The following MOBP variants were observed in gnomAD, a reference collection of about 807,000 sequenced individuals.
The protein encoded by MOBP is myelin associated oligodendrocyte basic protein.
In MOBP, 5 loss-of-function variants were observed where a neutral mutation model predicts 15.0. That is an observed-to-expected ratio of 0.33 (90% CI 0.17 to 0.70). The LOEUF (loss-of-function observed/expected upper bound fraction) is 0.70. MOBP is among the 30% of genes least tolerant of loss of function. MOBP has a pLI of 0.67. For missense variants in MOBP, 188 were observed against 257.8 expected (o/e 0.73, Z 1.85); for synonymous variants, 88 against 99.0 (o/e 0.89, Z 0.66).
intron 2 of MOBP, among the ~76,000 whole-genome samples, chr3:39,497,272 G>T (rs2042901503): frequency 6.6e-6 from 1 of 152,186 alleles, no homozygotes; most frequent in Admixed American, 6.5e-5. Context: ...TCTGGCGCTG[G>T]CAGAGAAGTC....
intron 2 of MOBP, among the ~76,000 whole-genome samples, chr3:39,485,443 T>A (rs956905697): frequency 1.3e-5 from 2 of 152,162 alleles, no homozygotes; most frequent in Non-Finnish European, 2.9e-5. Context: ...AGCTGGTGAA[T>A]GTGGAATGAA....
downstream of MOBP, among the ~76,000 whole-genome samples, chr3:39,504,833 A>G (rs369735542): frequency 6.6e-6 from 1 of 152,240 alleles, no homozygotes; most frequent in Admixed American, 6.5e-5. Flanking sequence ...ACTAACTTGC[A>G]CATGAAGAAA....
At chr3:39,505,916 C>T (rs974664767), downstream of MOBP, among the ~76,000 whole-genome samples, 2 of 152,186 alleles carry the variant, frequency 1.3e-5, no homozygotes, top group African/African-American at 4.8e-5. Context: ...GGTGCCACCA[C>T]AAATGGATGA....
intron 2 of MOBP, among the ~76,000 whole-genome samples, chr3:39,501,059 A>C (rs1189670480): frequency 4.6e-5 from 7 of 152,208 alleles, no homozygotes; most frequent in Non-Finnish European, 1.0e-4. Context: ...AACCACACCA[A>C]CAGACAAAAA....
intron 2 of MOBP, among the ~76,000 whole-genome samples, chr3:39,483,053 G>A (rs181052155): frequency 6.6e-6 from 1 of 152,266 alleles, no homozygotes; most frequent in African/African-American, 2.4e-5. Context: ...CCTTCAAGGT[G>A]CTAGTCAAGA....
chr3:39,496,613 C>A (rs1408521469), intron 2 of MOBP, among the ~76,000 whole-genome samples: 1 of 152,062 alleles, frequency 6.6e-6, no homozygotes, highest in Non-Finnish European at 1.5e-5. Flanking sequence ...CCTGGCTCAG[C>A]CTCCTGAGTA....
rs1197680025 is a variant in MOBP at position 39,499,896 on chromosome 3, G to A, written c.-4-2170G>A. ...CAGTCATTCCCAAGCCCTCATCTTT[G>A]GCCAGATGAAATGCCTCTGCCCATG... On this transcript the variant is annotated intron_variant, in intron 2 of 3. Transcript: ENST00000684792. 6 of 399,496 alleles carry A rather than the reference G, an allele frequency of 1.5e-5. No individual in the cohort carries two copies. The East Asian group carries it at 2.9e-4, about 20-fold the overall frequency. The allele number at this position is 399,496 out of a possible 1,614,324, so 24.7% of individuals were successfully genotyped here.
chr3:39,523,806 A>G (rs1051335655), intron 3 of MOBP, among the ~76,000 whole-genome samples: 2 of 152,220 alleles, frequency 1.3e-5, no homozygotes, highest in African/African-American at 4.8e-5. Context: ...GGAGTTATGT[A>G]ACAAAAACTG....
intron 1 of MOBP, among the ~76,000 whole-genome samples, chr3:39,476,840 T>G (rs2042551951): frequency 6.6e-6 from 1 of 152,188 alleles, no homozygotes; most frequent in Non-Finnish European, 1.5e-5. Flanking sequence ...CTTTTCTCTA[T>G]TTTAACATAT....
chr3:39,506,567 A>AG (rs2043050736), downstream of MOBP, among the ~76,000 whole-genome samples: 1 of 152,140 alleles, frequency 6.6e-6, no homozygotes, highest in Non-Finnish European at 1.5e-5. Context: ...TGCGTCAGTT[A>AG]TCTTACCAGA....
At chr3:39,471,013 C>T (rs1380320400) in intron 1 of MOBP, among the ~76,000 whole-genome samples, 1 of 152,166 alleles carries the variant, frequency 6.6e-6, no homozygotes, top group Non-Finnish European at 1.5e-5. Context: ...ATCCATTGTT[C>T]AGGGCGTGGC....
intron 2 of MOBP, among the ~76,000 whole-genome samples, chr3:39,495,588 C>T (rs2125647751): frequency 6.6e-6 from 1 of 150,530 alleles, no homozygotes; most frequent in South Asian, 2.1e-4. Context: ...CCTGTCTCTA[C>T]AGAAGAAAAA....
intron 1 of MOBP, among the ~76,000 whole-genome samples, chr3:39,478,837 T>C (rs948712550): frequency 7.0e-6 from 1 of 142,842 alleles, no homozygotes; most frequent in Non-Finnish European, 1.5e-5. Flanking sequence ...TTCTTCTTCT[T>C]TTTTTTTCTT....
intron 1 of MOBP, among the ~76,000 whole-genome samples, chr3:39,470,220 A>G (rs1444829101): frequency 1.3e-5 from 2 of 152,218 alleles, no homozygotes. Context: ...TGTTTCCTAC[A>G]TGTTCTAGTA....
At chr3:39,523,464 C>T (rs1012094053) in intron 3 of MOBP, among the ~76,000 whole-genome samples, 22 of 152,142 alleles carry the variant, frequency 1.4e-4, no homozygotes, top group Non-Finnish European at 2.4e-4. Flanking sequence ...TGCATTGGAT[C>T]TGGAGATCAA....
exon 5 of MOBP, chr3:39,514,905 T>G (rs2043177346): frequency 6.6e-6 from 1 of 152,464 alleles, no homozygotes; most frequent in Non-Finnish European, 1.5e-5. Flanking sequence ...GGAGGGAGTT[T>G]TCCCCTGGGT....
In MOBP at chr3:39,502,022, T is replaced by G. The variant is rs768613739; in HGVS notation, c.-4-44T>G. On this transcript the variant is annotated intron_variant, in intron 2 of 3. Coordinates refer to ENST00000684792, the MANE Select transcript of MOBP (RefSeq NM_001393704.1). The surrounding 1 kb of genome is among the most constrained non-coding windows in gnomAD (Gnocchi z 6.3). ...GAGTAGAGGGCTCCCTTTCCTGATG[T>G]GCGTTTATGTCTCCTCCTGTCTCCT... The G allele has an allele frequency of 6.5e-7, 1 of 1,537,680 alleles. No individual in the cohort carries two copies. The highest frequency in any genetic ancestry group is 1.1e-5 in the South Asian group (1 of 89,226).
downstream of MOBP, among the ~76,000 whole-genome samples, chr3:39,506,049 C>G (rs1476079187): frequency 1.3e-5 from 2 of 152,126 alleles, no homozygotes; most frequent in African/African-American, 2.4e-5. Context: ...GCTGATGAGG[C>G]CAGTCCCCCA....
chr3:39,499,607 G>A, intron 2 of MOBP: 1 of 156,304 alleles, frequency 6.4e-6, no homozygotes, highest in South Asian at 1.9e-4. Flanking sequence ...TTTAGGTCCT[G>A]AGTTTAGAAT....
Sources: gnomAD v4.1 joint callset for allele counts (sites outside exome capture counted in the v4.1 genomes callset) on GRCh38, gnomAD v4.1.1 for gene constraint, Gnocchi (gnomAD v3.1) non-coding constraint, MANE v1.5 for transcripts, NCBI Gene and HGNC (gene_info 2026-07-23, HGNC 2026-07-21) for gene names.